RNF169: variants seen among roughly 807,000 people sequenced by gnomAD.
RNF169 encodes E3 ubiquitin-protein ligase RNF169.
Under a neutral mutation model 53.9 loss-of-function variants are expected in RNF169, and 24 were observed. The ratio of observed to expected loss-of-function variants is 0.45; its 90% CI spans 0.32 to 0.63. RNF169 has a LOEUF of 0.63. Among genes scored for constraint, RNF169 ranks in the 20% least tolerant of loss-of-function variants. The probability of loss-of-function intolerance (pLI) is 0.04; values close to 1 mark genes in which losing one functional copy is unlikely to be tolerated. For synonymous variants in RNF169, 396 were observed against 363.5 expected (o/e 1.09, Z -1.02); for missense variants, 883 against 906.2 (o/e 0.97, Z 0.33).
Position 74,748,905 on chromosome 11 carries a change from C to T in RNF169, c.25C>T (p.Arg9Trp). Reference protein sequence around the residue: MAAAGPSTRASSAAAAAAL... With the variant: MAAAGPSTWASSAAAAAAL... ...GATGGCGGCTGCAGGTCCGAGTACT[C>T]GGGCCTCTTCCGCGGCGGCAGCAGC... The change falls in exon 1 of 6, where the codon CGG (arginine) becomes TGG (tryptophan). Residue 9 changes from arginine to tryptophan, a missense_variant. Around this residue, in one of 3 missense-constraint regions of RNF169, gnomAD observed 313 missense variants for 279.9 expected, o/e 1.12. Coordinates refer to ENST00000299563, the MANE Select transcript of RNF169 (RefSeq NM_001098638.2). The T allele has an allele frequency of 2.1e-6, 3 of 1,441,398 alleles. No individual in the cohort carries two copies. Among genetic ancestry groups the T allele is most frequent in the South Asian group, 1.4e-5 (1 of 72,172 alleles). The allele number at this position is 1,441,398 out of a possible 1,614,324, so 89.3% of individuals were successfully genotyped here. A position where few individuals can be genotyped will look rare whatever the true frequency, so the allele number is the denominator to read the frequency against.
At chr11:74,796,313 A>C (rs1219910773) in intron 2 of RNF169, among the ~76,000 whole-genome samples, 1 of 152,200 alleles carries the variant, frequency 6.6e-6, no homozygotes, top group East Asian at 1.9e-4. Context: ...CTGGATATAC[A>C]TCTTAATGGA....
intron 4 of RNF169, among the ~76,000 whole-genome samples, chr11:74,833,141 G>A (rs749674157): frequency 2.6e-5 from 4 of 152,154 alleles, no homozygotes; most frequent in Non-Finnish European, 5.9e-5. Context: ...TTTTGAATGG[G>A]AGGAATAACA....
At chr11:74,819,709 T>C (rs996934539) in intron 4 of RNF169, among the ~76,000 whole-genome samples, 1 of 152,168 alleles carries the variant, frequency 6.6e-6, no homozygotes, top group African/African-American at 2.4e-5. Context: ...TTAGATTCCA[T>C]AGGATTAATA....
rs757822828 is a variant in RNF169, at chr11:74,836,056, T to C, written c.1453T>C (p.Ser485Pro). ...KPLVAVNTRLSGGQVLSEYTG... is the reference protein window; with the variant it reads ...KPLVAVNTRLPGGQVLSEYTG... ...ACTTGTGGCTGTAAATACAAGATTA[T>C]CTGGTGGGCAGGTCCTCTCTGAGTA... The change falls in exon 6 of 6, where the codon TCT becomes CCT. Residue 485 changes from serine to proline, a missense_variant. Around this residue, in one of 3 missense-constraint regions of RNF169, gnomAD observed 351 missense variants for 337.3 expected, o/e 1.04. Transcript: ENST00000299563. 3.1e-6 allele frequency: 5 copies of C among 1,614,062 alleles called. No homozygotes were observed. The highest frequency in any genetic ancestry group is 1.7e-6 in the Non-Finnish European group (2 of 1,180,040).
intron 1 of RNF169, among the ~76,000 whole-genome samples, chr11:74,778,215 A>G (rs762213533): frequency 2.0e-5 from 3 of 152,170 alleles, no homozygotes; most frequent in Non-Finnish European, 4.4e-5. Flanking sequence ...GTTTTGGGGA[A>G]AGAGTTTTGT....
chr11:74,761,786 A>T (rs1187013162), intron 1 of RNF169, among the ~76,000 whole-genome samples: 1 of 146,914 alleles, frequency 6.8e-6, no homozygotes, highest in African/African-American at 2.5e-5. Flanking sequence ...TGTGTCTTGG[A>T]GTTGCTCTTC....
intron 2 of RNF169, among the ~76,000 whole-genome samples, chr11:74,797,826 A>T: frequency 6.6e-6 from 1 of 152,214 alleles, no homozygotes; most frequent in East Asian, 1.9e-4. Context: ...AGGGACCCCA[A>T]ACGGAGGGAC....
At chr11:74,772,424 T>G (rs898042213) in intron 1 of RNF169, among the ~76,000 whole-genome samples, 11 of 151,812 alleles carry the variant, frequency 7.2e-5, no homozygotes, top group Non-Finnish European at 1.5e-4. Flanking sequence ...AGCACAGTAC[T>G]TGGCACTTAA....
chr11:74,757,211 T>C (rs1410931825), intron 1 of RNF169, among the ~76,000 whole-genome samples: 3 of 126,590 alleles, frequency 2.4e-5, no homozygotes, highest in Admixed American at 8.1e-5. Context: ...TGTGATCTCA[T>C]TGTTCAATTC....
In RNF169 at chr11:74,749,171, C is replaced by G. The variant is rs2034842567; in HGVS notation, c.291C>G (p.Asp97Glu). The change falls in exon 1 of 6, where the codon GAC becomes GAG. Residue 97 changes from aspartate to glutamate, a missense_variant. Asp to Glu is a conservative substitution (Grantham distance 45). Transcript: ENST00000299563. The stretch of plus-strand genomic sequence containing the variant: ...GAGGCTGCGCCCAACGCGCCGCCGA[C>G]GCGGCGGGCCCGGGTTGCCCTCGCT... ...LCRGCAQRAADAAGPGCPRCR... is the reference protein window; with the variant it reads ...LCRGCAQRAAEAAGPGCPRCR... 1.6e-6 allele frequency: 2 copies of G among 1,233,310 alleles called. No homozygotes were observed. Among genetic ancestry groups the G allele is most frequent in the Non-Finnish European group, 2.0e-6 (2 of 989,352 alleles). The allele number at this position is 1,233,310 out of a possible 1,614,324, so 76.4% of individuals were successfully genotyped here. A position where few individuals can be genotyped will look rare whatever the true frequency, so the allele number is the denominator to read the frequency against.
chr11:74,833,820 A>G lies in RNF169; in HGVS notation c.843-856A>G, dbSNP rs77074897. On this transcript the variant is annotated intron_variant, in intron 4 of 5. Coordinates refer to ENST00000299563, the MANE Select transcript of RNF169 (RefSeq NM_001098638.2). The stretch of plus-strand genomic sequence containing the variant: ...TGGGGCAGGTGACAGTCATCTGCAC[A>G]TAATTCTAACATAGATTCACATATG... Among the ~76,000 whole-genome samples the G allele has an allele frequency of 5.3e-5, 8 of 152,338 alleles. No individual in the cohort carries two copies. The East Asian group carries it at 1.5e-3, about 29-fold the overall frequency.
intron 4 of RNF169, among the ~76,000 whole-genome samples, chr11:74,829,640 C>G (rs578087466): frequency 6.6e-6 from 1 of 152,268 alleles, no homozygotes; most frequent in Non-Finnish European, 1.5e-5. Flanking sequence ...GGTACGTATA[C>G]CCCCATGGAA....
chr11:74,808,596 A>C (rs2035834888), intron 2 of RNF169, among the ~76,000 whole-genome samples: 1 of 152,182 alleles, frequency 6.6e-6, no homozygotes, highest in African/African-American at 2.4e-5. Context: ...CTAACACTTA[A>C]ACCTTAGTTT....
At chr11:74,810,718 G>T (rs1476230151) in intron 3 of RNF169, among the ~76,000 whole-genome samples, 1 of 152,014 alleles carries the variant, frequency 6.6e-6, no homozygotes, top group Non-Finnish European at 1.5e-5. Flanking sequence ...TCCTTTATTT[G>T]TTGTAATACC....
At chr11:74,830,662 A>C (rs2036164675) in intron 4 of RNF169, 1 of 152,194 alleles carries the variant, frequency 6.6e-6, no homozygotes, top group African/African-American at 2.4e-5. Context: ...AATTAAAAGA[A>C]TAAATATTCT....
intron 2 of RNF169, among the ~76,000 whole-genome samples, chr11:74,809,512 A>C (rs2035846767): frequency 6.6e-6 from 1 of 152,188 alleles, no homozygotes; most frequent in South Asian, 2.1e-4. Flanking sequence ...TAAAGAGCAT[A>C]TCTCTCTGCC....
intron 1 of RNF169, among the ~76,000 whole-genome samples, chr11:74,771,535 T>A (rs1055489887): frequency 2.8e-5 from 4 of 145,394 alleles, no homozygotes; most frequent in Non-Finnish European, 6.0e-5. Flanking sequence ...GAGACCCTTG[T>A]CTCTACAAAA....
intron 2 of RNF169, among the ~76,000 whole-genome samples, chr11:74,803,956 A>C (rs2035769173): frequency 6.6e-6 from 1 of 152,240 alleles, no homozygotes; most frequent in South Asian, 2.1e-4. Context: ...CATATCATAT[A>C]CTATATACAG....
rs937172377 is a variant in RNF169, at chr11:74,836,067, G to T, written c.1464G>T (p.Gln488His). The T allele has an allele frequency of 3.1e-6, 5 of 1,614,170 alleles. No homozygotes were observed. The South Asian group carries it at 5.5e-5, about 18-fold the overall frequency. ...TAAATACAAGATTATCTGGTGGGCA[G>T]GTCCTCTCTGAGTATACTGGACCCA... ...VAVNTRLSGG[Q>H]VLSEYTGPTS... The change falls in exon 6 of 6, where the codon CAG becomes CAT. Residue 488 changes from glutamine (Q) to histidine (H), a missense_variant. Coordinates refer to ENST00000299563, the MANE Select transcript of RNF169 (RefSeq NM_001098638.2).
Sources: gnomAD v4.1 joint callset for allele counts (sites outside exome capture counted in the v4.1 genomes callset) on GRCh38, gnomAD v4.1.1 for gene constraint, gnomAD v4.1.1 regional missense constraint, MANE v1.5 for transcripts, NCBI Gene and HGNC (gene_info 2026-07-23, HGNC 2026-07-21) for gene names.